The following RXRA variants were observed in gnomAD, a reference collection of about 807,000 sequenced individuals.
The protein encoded by RXRA is retinoic acid receptor RXR-alpha.
In RXRA, 5 loss-of-function variants were observed where a neutral mutation model predicts 44.5. The observed-to-expected ratio is 0.11, with a 90% CI of 0.06 to 0.24. The LOEUF is 0.24. Among genes scored for constraint, RXRA ranks in the 10% least tolerant of loss-of-function variants. The probability of loss-of-function intolerance (pLI) is 1.00; values close to 1 mark genes in which losing one functional copy is unlikely to be tolerated. For synonymous variants in RXRA, 291 were observed against 271.4 expected, an observed-to-expected ratio of 1.07 and a Z score of -0.71; for missense variants, 412 against 646.5, an observed-to-expected ratio of 0.64 and a Z score of 3.93.
At position 134,349,386 on chromosome 9, in the gene RXRA, G is replaced by A. The variant is rs1564264943; in HGVS notation, c.28+22727G>A. 6.6e-6 allele frequency among the ~76,000 whole-genome samples: 1 copy of A among 152,304 alleles called. No homozygotes were observed. The highest frequency in any genetic ancestry group is 1.5e-5 in the Non-Finnish European group (1 of 68,028). On this transcript the variant is annotated intron_variant, in intron 1 of 9. Transcript: ENST00000481739. The surrounding 1 kb of genome is among the most constrained non-coding windows in gnomAD (Gnocchi z 4.3). ...CCGAGCTTGGTGGCAGGGAGGGAAGGCCTCTCCACGGGGAGCAGGAGGGAG... is the reference window on the plus strand; with the variant it reads ...CCGAGCTTGGTGGCAGGGAGGGAAGACCTCTCCACGGGGAGCAGGAGGGAG...
At chr9:134,344,889 C>A (rs1830131907) in intron 1 of RXRA, among the ~76,000 whole-genome samples, 1 of 152,218 alleles carries the variant, frequency 6.6e-6, no homozygotes, top group Non-Finnish European at 1.5e-5. Context: ...TGGGACGCAG[C>A]CTCTGTGCGG....
At chr9:134,411,257 G>C (rs1448286706) in intron 4 of RXRA, among the ~76,000 whole-genome samples, 1 of 152,152 alleles carries the variant, frequency 6.6e-6, no homozygotes, top group Non-Finnish European at 1.5e-5. Flanking sequence ...GACTCCAGCT[G>C]CCTGGGCCCC....
At position 134,417,352 on chromosome 9, in the gene RXRA, G is replaced by T; in HGVS notation, c.780+25G>T. On this transcript the variant is annotated intron_variant, in intron 5 of 9. Coordinates refer to ENST00000481739, the MANE Select transcript of RXRA (RefSeq NM_002957.6). This position sits in a 1 kb window ranked among gnomAD's most constrained non-coding sequence, Gnocchi z 6.1. Reference sequence around the variant, plus strand: ...GGTGAGTTGCAGCCTGTGCAGGGGTGGGCAGCCTCACATGCCTCAGTTTCC... The same window carrying T: ...GGTGAGTTGCAGCCTGTGCAGGGGTTGGCAGCCTCACATGCCTCAGTTTCC... The T allele has an allele frequency of 6.2e-7, 1 of 1,606,982 alleles. No homozygotes were observed. The highest frequency in any genetic ancestry group is 8.5e-7 in the Non-Finnish European group (1 of 1,175,206).
chr9:134,429,070 C>T, intron 6 of RXRA, 38 bp from the exon 7 acceptor site: 2 of 1,611,116 alleles, frequency 1.2e-6, no homozygotes, highest in East Asian at 2.2e-5. Flanking sequence ...CCCCGTGGGG[C>T]CTGGAGACAG....
At chr9:134,400,926 C>T (rs541898822) in intron 1 of RXRA, among the ~76,000 whole-genome samples, 17 of 152,250 alleles carry the variant, frequency 1.1e-4, no homozygotes, top group Admixed American at 6.5e-4. Context: ...GGGGCCTGAG[C>T]GTCCGGTGCC....
At chr9:134,428,905 G>T (rs1831481495) in intron 6 of RXRA, among the ~76,000 whole-genome samples, 1 of 152,344 alleles carries the variant, frequency 6.6e-6, no homozygotes, top group Middle Eastern at 3.4e-3. Context: ...ACTTCTCAGG[G>T]CCTTTCGTGT....
In RXRA at chr9:134,432,767, A is replaced by G. The variant is rs1588310898; in HGVS notation, c.1135+771A>G. Reference sequence around the variant, plus strand: ...GCACGGTTGGTCGAGGGTGCGGGCCACTTCCTCCGGGAGCTGCAAGTTAGG... The same window carrying G: ...GCACGGTTGGTCGAGGGTGCGGGCCGCTTCCTCCGGGAGCTGCAAGTTAGG... On this transcript the variant is annotated intron_variant, in intron 8 of 9. Transcript: ENST00000481739. 2.0e-5 allele frequency among the ~76,000 whole-genome samples: 3 copies of G among 152,186 alleles called. No homozygotes were observed. The East Asian group carries it at 5.8e-4, about 30-fold the overall frequency.
At chr9:134,330,388 G>A (rs1357261231) in intron 1 of RXRA, among the ~76,000 whole-genome samples, 1 of 152,242 alleles carries the variant, frequency 6.6e-6, no homozygotes, top group Non-Finnish European at 1.5e-5. Flanking sequence ...GGATGAGGCT[G>A]GGGTCTAGGG....
intron 6 of RXRA, chr9:134,424,248 A>C: frequency 1.0e-6 from 1 of 985,420 alleles, no homozygotes; most frequent in Non-Finnish European, 1.2e-6. Context: ...CCCTTAGCCC[A>C]GAGCCCTGGT....
chr9:134,346,587 G>C (rs554266649), intron 1 of RXRA, among the ~76,000 whole-genome samples: 3 of 152,316 alleles, frequency 2.0e-5, no homozygotes, highest in South Asian at 4.1e-4. Flanking sequence ...GGGTGCCCAG[G>C]GACTGCAGGA....
At position 134,408,157 on chromosome 9, in the gene RXRA, A is replaced by G. The variant is rs34288833; in HGVS notation, c.288A>G (p.Ser96=). ...GFSTGSPQLS[S]PMNPVSSSED... Reference sequence around the variant, plus strand: ...GTGGTTGCCCCCCCCAGCTCAGCTCACCTATGAACCCCGTCAGCAGCAGCG... The same window carrying G: ...GTGGTTGCCCCCCCCAGCTCAGCTCGCCTATGAACCCCGTCAGCAGCAGCG... Residue 96 remains serine (S), a synonymous_variant, in exon 3 of 10, where the codon TCA becomes TCG. Coordinates refer to ENST00000481739, the MANE Select transcript of RXRA (RefSeq NM_002957.6). 1.6e-3 allele frequency: 2,485 copies of G among 1,561,858 alleles called. 25 individuals are homozygous for G. In the East Asian group the frequency reaches 0.018, roughly 11 times the overall value.
At chr9:134,423,209 T>A in intron 6 of RXRA, 3 of 985,430 alleles carry the variant, frequency 3.0e-6, no homozygotes, top group Non-Finnish European at 3.6e-6. Flanking sequence ...TGGAGTTTCC[T>A]GCTGGTGAAG....
chr9:134,395,285 C>CA (rs1283995762), intron 1 of RXRA, among the ~76,000 whole-genome samples: 10 of 152,378 alleles, frequency 6.6e-5, no homozygotes, highest in African/African-American at 2.4e-4. Context: ...CGCCTGGCCT[C>CA]ACCGTGGCTT....
chr9:134,405,015 G>T (rs1394396035), intron 2 of RXRA: 1 of 152,348 alleles, frequency 6.6e-6, no homozygotes, highest in South Asian at 2.1e-4. Flanking sequence ...CTCCAGCGAA[G>T]CAACAATGGC....
chr9:134,393,059 C>T (rs982029371), intron 1 of RXRA, among the ~76,000 whole-genome samples: 18 of 152,128 alleles, frequency 1.2e-4, no homozygotes, highest in African/African-American at 3.9e-4. Flanking sequence ...CTGGGAAACC[C>T]GGGAATCATG....
At chr9:134,401,918 G>T in intron 2 of RXRA, 36 bp downstream of exon 2, 1 of 1,491,446 alleles carries the variant, frequency 6.7e-7, no homozygotes, top group African/African-American at 1.4e-5. Context: ...AGGGGGTGGG[G>T]CCTGGGGTGG....
rs556929996 is a variant in RXRA at position 134,343,468 on chromosome 9, A to G, written c.28+16809A>G. Reference sequence around the variant, plus strand: ...GGGGCGCTCAGTGTAGGGCAAAGGAACGTGAGGAGGGCATGAGTGTTGTAT... The same window carrying G: ...GGGGCGCTCAGTGTAGGGCAAAGGAGCGTGAGGAGGGCATGAGTGTTGTAT... On this transcript the variant is annotated intron_variant, in intron 1 of 9. Transcript: ENST00000481739. The surrounding 1 kb of genome is among the most constrained non-coding windows in gnomAD (Gnocchi z 4.1). 1.4e-4 allele frequency among the ~76,000 whole-genome samples: 21 copies of G among 152,126 alleles called. No individual in the cohort carries two copies. The highest frequency in any genetic ancestry group is 3.4e-3 in the Middle Eastern group (1 of 294).
chr9:134,409,732 C>T (rs1260459692), intron 4 of RXRA, among the ~76,000 whole-genome samples: 1 of 152,224 alleles, frequency 6.6e-6, no homozygotes, highest in East Asian at 1.9e-4. Flanking sequence ...CCCTTTCCCT[C>T]TCAGGTTTGG....
rs555086778 is a variant in RXRA, at chr9:134,339,353, G to A, written c.28+12694G>A. On this transcript the variant is annotated intron_variant, in intron 1 of 9. Transcript: ENST00000481739. The stretch of plus-strand genomic sequence containing the variant: ...CCTGTGTGGGCTTATGTGTGTGGCT[G>A]GGATTCCAGCCAGGGTTTGTGCGCG... 1.1e-3 allele frequency among the ~76,000 whole-genome samples: 173 copies of A among 151,600 alleles called. 1 individual carries two copies. The highest frequency in any genetic ancestry group is 1.9e-3 in the Non-Finnish European group (127 of 67,802).
Sources: gnomAD v4.1 joint callset for allele counts (sites outside exome capture counted in the v4.1 genomes callset) on GRCh38, gnomAD v4.1.1 for gene constraint, Gnocchi (gnomAD v3.1) non-coding constraint, MANE v1.5 for transcripts, NCBI Gene and HGNC (gene_info 2026-07-23, HGNC 2026-07-21) for gene names.